Variants in DAP observed in about 807,000 individuals in gnomAD.
DAP encodes death associated protein.
A neutral mutation model predicts 13.8 loss-of-function variants in DAP; 8 were observed. The observed-to-expected ratio is 0.58, with a 90% CI of 0.34 to 1.05. The LOEUF (loss-of-function observed/expected upper bound fraction) is 1.05. Among genes scored for constraint, DAP ranks in the 50% least tolerant of loss-of-function variants. The probability of loss-of-function intolerance (pLI) is 0.03; values close to 1 mark genes in which losing one functional copy is unlikely to be tolerated. For synonymous variants in DAP, 47 were observed against 47.5 expected, an observed-to-expected ratio of 0.99 and a Z score of 0.04; for missense variants, 106 against 133.2, an observed-to-expected ratio of 0.80 and a Z score of 1.01.
intron 2 of DAP, among the ~76,000 whole-genome samples, chr5:10,711,878 C>A (rs1738862571): frequency 6.6e-6 from 1 of 152,194 alleles, no homozygotes; most frequent in African/African-American, 2.4e-5. Context: ...CATAATCCTT[C>A]CTCAAACGCA....
At chr5:10,726,565 C>T (rs1176409418) in intron 2 of DAP, among the ~76,000 whole-genome samples, 2 of 152,204 alleles carry the variant, frequency 1.3e-5, no homozygotes, top group African/African-American at 4.8e-5. Context: ...GTGAAGGTGC[C>T]GGCCCCGGCC....
At chr5:10,725,805 C>A (rs1368908284) in intron 2 of DAP, among the ~76,000 whole-genome samples, 1 of 152,196 alleles carries the variant, frequency 6.6e-6, no homozygotes, top group Admixed American at 6.5e-5. Context: ...GGATTCACAT[C>A]TTATTTGTCA....
intron 2 of DAP, among the ~76,000 whole-genome samples, chr5:10,746,876 TTCC>T (rs1314749967): frequency 6.6e-6 from 1 of 152,194 alleles, no homozygotes; most frequent in Non-Finnish European, 1.5e-5. Context: ...CATGCACCAC[TTCC>T]TCATGTGGGT....
At chr5:10,699,606 T>C (rs1195617988) in intron 2 of DAP, among the ~76,000 whole-genome samples, 1 of 152,206 alleles carries the variant, frequency 6.6e-6, no homozygotes, top group East Asian at 1.9e-4. Flanking sequence ...AATGTCCTTA[T>C]TGACAGGAAG....
intron 2 of DAP, among the ~76,000 whole-genome samples, chr5:10,711,970 C>T (rs988750034): frequency 2.0e-5 from 3 of 152,314 alleles, no homozygotes; most frequent in Non-Finnish European, 4.4e-5. Flanking sequence ...ATTTCACCCC[C>T]GTCCTTCCCA....
chr5:10,712,425 G>A (rs188145770), intron 2 of DAP, among the ~76,000 whole-genome samples: 88 of 152,310 alleles, frequency 5.8e-4, no homozygotes, highest in Admixed American at 4.1e-3. Flanking sequence ...TGAAAAAGCC[G>A]CTTCAGTGGG....
At chr5:10,736,445 G>A (rs768631175) in intron 2 of DAP, among the ~76,000 whole-genome samples, 19 of 152,246 alleles carry the variant, frequency 1.2e-4, no homozygotes, top group Admixed American at 3.9e-4. Flanking sequence ...GCTGCCAGAC[G>A]CCAACCCTCC....
intron 1 of DAP, among the ~76,000 whole-genome samples, chr5:10,755,939 G>A (rs980814338): frequency 6.6e-6 from 1 of 152,240 alleles, no homozygotes; most frequent in African/African-American, 2.4e-5. Context: ...CTTGAGCCCA[G>A]GAGTTTGAGA....
chr5:10,756,624 G>C (rs1027467050), intron 1 of DAP, among the ~76,000 whole-genome samples: 1 of 152,184 alleles, frequency 6.6e-6, no homozygotes, highest in Non-Finnish European at 1.5e-5. Context: ...TGTAAGATTA[G>C]TAACATTCAA....
At chr5:10,696,716 TTC>T (rs949546123) in intron 2 of DAP, among the ~76,000 whole-genome samples, 4 of 152,116 alleles carry the variant, frequency 2.6e-5, no homozygotes, top group Admixed American at 2.0e-4. Flanking sequence ...AACACTTCCT[TTC>T]TCTCTCTCTC....
rs550360510 is a variant in DAP, at chr5:10,745,972, C to T, written c.152+2203G>A. ...ATGGAAGGCTTCCTCATAACTTGTACGGAGGCAAAACTTAACCTGAAGTGA... is the reference window on the plus strand; with the variant it reads ...ATGGAAGGCTTCCTCATAACTTGTATGGAGGCAAAACTTAACCTGAAGTGA... On this transcript the variant is annotated intron_variant, in intron 2 of 3. Coordinates refer to ENST00000230895, the MANE Select transcript of DAP (RefSeq NM_004394.3). Among the ~76,000 whole-genome samples the T allele has an allele frequency of 3.3e-5, 5 of 152,262 alleles. 1 individual carries two copies. Among genetic ancestry groups the T allele is most frequent in the Admixed American group, 1.3e-4 (2 of 15,280 alleles).
intron 2 of DAP, among the ~76,000 whole-genome samples, chr5:10,694,752 T>G (rs1200010941): frequency 6.6e-6 from 1 of 152,168 alleles, no homozygotes; most frequent in Non-Finnish European, 1.5e-5. Flanking sequence ...TGAATGGGGC[T>G]GGGGGCTCTT....
rs1738728278 is a variant in DAP at position 10,707,547 on chromosome 5, G to A, written c.153-23976C>T. ...TGTGATGCATGGGTGCTGTGATGCAGGGGTGGTGTGATTTGCGATCAGTGT... is the reference window on the plus strand; with the variant it reads ...TGTGATGCATGGGTGCTGTGATGCAAGGGTGGTGTGATTTGCGATCAGTGT... On this transcript the variant is annotated intron_variant, in intron 2 of 3. Transcript: ENST00000230895. This position sits in a 1 kb window ranked among gnomAD's most constrained non-coding sequence, Gnocchi z 4.0. 6.6e-6 allele frequency among the ~76,000 whole-genome samples: 1 copy of A among 151,106 alleles called. No individual in the cohort carries two copies. Among genetic ancestry groups the A allele is most frequent in the Non-Finnish European group, 1.5e-5 (1 of 67,774 alleles).
At chr5:10,684,594 G>A (rs1170964655) in intron 2 of DAP, among the ~76,000 whole-genome samples, 3 of 152,204 alleles carry the variant, frequency 2.0e-5, no homozygotes, top group South Asian at 2.1e-4. Flanking sequence ...ACAGATGTAC[G>A]TGCTTGTCTT....
intron 2 of DAP, among the ~76,000 whole-genome samples, chr5:10,731,523 C>A (rs1284922116): frequency 6.6e-6 from 1 of 152,168 alleles, no homozygotes; most frequent in Non-Finnish European, 1.5e-5. Flanking sequence ...GCACTTCATT[C>A]CTTTTCTGTA....
At chr5:10,691,854 C>G (rs374088414) in intron 2 of DAP, among the ~76,000 whole-genome samples, 1 of 152,204 alleles carries the variant, frequency 6.6e-6, no homozygotes, top group Non-Finnish European at 1.5e-5. Flanking sequence ...ACCTGATGTC[C>G]GTGCACGTGG....
intron 2 of DAP, among the ~76,000 whole-genome samples, chr5:10,737,383 A>G: frequency 6.6e-6 from 1 of 151,534 alleles, no homozygotes; most frequent in East Asian, 1.9e-4. Flanking sequence ...CAACAACAAC[A>G]ACAAAAAAAA....
chr5:10,695,372 CTAAT>C (rs1738416926), intron 2 of DAP, among the ~76,000 whole-genome samples: 1 of 152,262 alleles, frequency 6.6e-6, no homozygotes. Context: ...CCAGGAGTGG[CTAAT>C]TGTCACGAGT....
chr5:10,711,517 A>G (rs1279316342), intron 2 of DAP, among the ~76,000 whole-genome samples: 3 of 152,216 alleles, frequency 2.0e-5, no homozygotes, highest in Non-Finnish European at 4.4e-5. Context: ...ACCTACCTCC[A>G]GCGTTTATGC....
Sources: gnomAD v4.1 joint callset for allele counts (sites outside exome capture counted in the v4.1 genomes callset) on GRCh38, gnomAD v4.1.1 for gene constraint, Gnocchi (gnomAD v3.1) non-coding constraint, MANE v1.5 for transcripts, NCBI Gene and HGNC (gene_info 2026-07-23, HGNC 2026-07-21) for gene names.